The following UBXN11 variants were observed in gnomAD, a reference collection of about 807,000 sequenced individuals.
The protein encoded by UBXN11 is UBX domain-containing protein 11.
Under a neutral mutation model 62.8 loss-of-function variants are expected in UBXN11, and 47 were observed. The observed-to-expected ratio is 0.75, with a 90% CI of 0.59 to 0.95. The LOEUF (loss-of-function observed/expected upper bound fraction) is 0.95, where lower values mean the gene tolerates loss of function less well. Among genes scored for constraint, UBXN11 ranks in the 40% least tolerant of loss-of-function variants. The pLI is 0.00. For missense variants in UBXN11, 638 were observed against 661.7 expected (o/e 0.96, Z 0.39); for synonymous variants, 294 against 267.0 (o/e 1.10, Z -0.99).
chr1:26,295,772 C>T (rs2073377243), intron 7 of UBXN11, among the ~76,000 whole-genome samples: 2 of 152,224 alleles, frequency 1.3e-5, no homozygotes, highest in Non-Finnish European at 1.5e-5. Context: ...CTCGTTTGTT[C>T]CCCTCCCCAC....
chr1:26,285,402 G>A, intron 10 of UBXN11, 62 bp downstream of exon 10: 2 of 1,577,756 alleles, frequency 1.3e-6, no homozygotes, highest in South Asian at 1.2e-5. Context: ...TGTCTGGGGA[G>A]GCTGTGTATC....
upstream of UBXN11, chr1:26,306,737 T>C (rs561620957): frequency 5.5e-4 from 83 of 149,622 alleles, no homozygotes; most frequent in African/African-American, 2.0e-3. Context: ...CAGTCGCCTG[T>C]GCTCGGATTC....
At chr1:26,296,809 T>C in intron 7 of UBXN11, 110 bp downstream of exon 7, 1 of 1,140,020 alleles carries the variant, frequency 8.8e-7, no homozygotes, top group Non-Finnish European at 1.2e-6. Context: ...GGGTGGGATG[T>C]GACGAGGAGA....
Position 26,301,657 on chromosome 1 carries a change from G to A in UBXN11, c.100+37C>T, listed in dbSNP as rs375713201. The A allele has an allele frequency of 2.5e-6, 4 of 1,611,970 alleles. No individual in the cohort carries two copies. The African/African-American group carries it at 4.0e-5, about 16-fold the overall frequency. On this transcript the variant is annotated intron_variant, in intron 3 of 14. Transcript: ENST00000374222. ...CCAACTGTAGGAGGTGCAAGCACAT[G>A]AGAGGCGAAGAGGGCACGAGGGCGG... is the stretch of plus-strand genomic sequence containing the variant.
chr1:26,306,827 G>GGC (rs2073679739), upstream of UBXN11: 1 of 85,270 alleles, frequency 1.2e-5, no homozygotes, highest in African/African-American at 5.0e-5. Flanking sequence ...TCCGGGGCGG[G>GGC]GTGGGGGGGG....
intron 10 of UBXN11, chr1:26,285,213 C>T (rs2073098635): frequency 7.7e-7 from 1 of 1,295,798 alleles, no homozygotes; most frequent in Non-Finnish European, 9.9e-7. Context: ...CTGGGGAGGA[C>T]TAGAAGGCAG....
chr1:26,310,927 G>C (rs1570145757), upstream of UBXN11, among the ~76,000 whole-genome samples: 1 of 152,050 alleles, frequency 6.6e-6, no homozygotes, highest in East Asian at 1.9e-4. Context: ...CCACTTCCAA[G>C]CTGGAAGGAT....
upstream of UBXN11, among the ~76,000 whole-genome samples, chr1:26,310,727 TAAAAAAA>T (rs71004584): frequency 6.6e-4 from 81 of 122,186 alleles, no homozygotes; most frequent in Middle Eastern, 8.3e-3. Flanking sequence ...GACTCTGTCT[TAAAAAAA>T]AAAAAAAAAA....
Position 26,294,274 on chromosome 1 carries a change from A to C in UBXN11, c.490T>G (p.Ser164Ala). The change falls in exon 8 of 15, where the codon TCA (serine) becomes GCA (alanine). Residue 164 changes from serine to alanine, a missense_variant. By Grantham distance (99) the Ser-to-Ala change is moderately conservative (BLOSUM62 1). Transcript: ENST00000374222. The part of the protein sequence containing the change: ...WVGEPMDQED[S>A]ESKTVSEHGE... The stretch of plus-strand genomic sequence containing the variant: ...TGCTCTGAGACTGTCTTGCTCTCTG[A>C]GTCCTCCTGGTCCATGGGCTCGCCC... The C allele has an allele frequency of 6.2e-7, 1 of 1,614,176 alleles. No individual in the cohort carries two copies. The highest frequency in any genetic ancestry group is 8.5e-7 in the Non-Finnish European group (1 of 1,179,998).
At chr1:26,305,170 G>T (rs975761516) in intron 1 of UBXN11, among the ~76,000 whole-genome samples, 1 of 151,644 alleles carries the variant, frequency 6.6e-6, no homozygotes, top group African/African-American at 2.4e-5. Flanking sequence ...GCGCAATCTC[G>T]GCTCACTGCA....
chr1:26,285,169 G>A (rs1299906585), intron 10 of UBXN11: 2 of 1,192,706 alleles, frequency 1.7e-6, no homozygotes, highest in Non-Finnish European at 2.1e-6. Context: ...GGCCACTTCT[G>A]CAGGGACCCC....
At chr1:26,286,919 G>A (rs925741073) in intron 8 of UBXN11, among the ~76,000 whole-genome samples, 1 of 152,118 alleles carries the variant, frequency 6.6e-6, no homozygotes, top group Non-Finnish European at 1.5e-5. Flanking sequence ...GGCTGGTCTC[G>A]AACTCCTGAC....
chr1:26,284,330 G>GC, intron 11 of UBXN11, 32 bp downstream of exon 11: 1 of 1,613,808 alleles, frequency 6.2e-7, no homozygotes, highest in Non-Finnish European at 8.5e-7. Context: ...CAGTCCCCCA[G>GC]CCCCCTGGCT....
rs946458738 is a variant in UBXN11 at position 26,284,269 on chromosome 1, G to C, written c.974-24C>G. On this transcript the variant is annotated intron_variant, in intron 11 of 14. Coordinates refer to ENST00000374222, the MANE Select transcript of UBXN11 (RefSeq NM_001389556.1). Reference sequence around the variant, plus strand: ...GCCTACAGGCAGAGTTGGGAACCGGGGCCCAGGAAGGACTATGAGTGGTGG... The same window carrying C: ...GCCTACAGGCAGAGTTGGGAACCGGCGCCCAGGAAGGACTATGAGTGGTGG... 4 of 1,606,358 alleles carry C rather than the reference G, an allele frequency of 2.5e-6. No homozygotes were observed. In the Admixed American group the frequency reaches 6.8e-5, roughly 27 times the overall value.
chr1:26,314,062 T>C (rs372756961), intron 1 of UBXN11, among the ~76,000 whole-genome samples: 328 of 152,236 alleles, frequency 2.2e-3, no homozygotes, highest in African/African-American at 7.4e-3. Context: ...TTACAGGTGT[T>C]AGCCACCGCG....
intron 4 of UBXN11, among the ~76,000 whole-genome samples, chr1:26,299,526 C>CA (rs1390801075): frequency 0.023 from 2,637 of 116,624 alleles, 73 homozygotes; most frequent in African/African-American, 0.072. Flanking sequence ...AAAAAAAAAA[C>CA]AAAAAAAAAA....
rs183061815 is a variant in UBXN11 at position 26,305,456 on chromosome 1, C to A, written c.-36+1136G>T. Among the ~76,000 whole-genome samples the A allele has an allele frequency of 6.8e-4, 103 of 152,224 alleles. 1 individual carries two copies. Among genetic ancestry groups the A allele is most frequent in the African/African-American group, 2.4e-3 (98 of 41,530 alleles). On this transcript the variant is annotated intron_variant, in intron 1 of 14. Transcript: ENST00000374222. ...GAACATTTTCGTCAGCCTAAACAAACCCTGTACCCTTTGGCAGTCACCCCC... is the reference window on the plus strand; with the variant it reads ...GAACATTTTCGTCAGCCTAAACAAAACCTGTACCCTTTGGCAGTCACCCCC...
intron 1 of UBXN11, among the ~76,000 whole-genome samples, chr1:26,315,723 G>A (rs915243314): frequency 1.3e-5 from 2 of 151,894 alleles, no homozygotes; most frequent in East Asian, 1.9e-4. Flanking sequence ...GCAATGGCAC[G>A]ATCTCGGCTC....
intron 2 of UBXN11, among the ~76,000 whole-genome samples, 190 bp downstream of exon 2, chr1:26,302,623 C>G (rs994961642): frequency 1.3e-5 from 2 of 152,120 alleles, no homozygotes; most frequent in African/African-American, 4.8e-5. Flanking sequence ...AAAGCACAAC[C>G]CAGTTTATGC....
Sources: gnomAD v4.1 joint callset for allele counts (sites outside exome capture counted in the v4.1 genomes callset) on GRCh38, gnomAD v4.1.1 for gene constraint, MANE v1.5 for transcripts, NCBI Gene and HGNC (gene_info 2026-07-23, HGNC 2026-07-21) for gene names.